Variants in LUM observed in about 807,000 individuals in gnomAD.
LUM encodes lumican.
LUM carries 13 observed loss-of-function variants against 20.5 expected under a neutral mutation model. The observed-to-expected ratio is 0.63, with a 90% CI of 0.41 to 1.01. LUM has a LOEUF of 1.01. Ranked by LOEUF, LUM falls within the 50% of genes least tolerant of loss-of-function variation. The pLI is 0.00. For synonymous variants in LUM, 173 were observed against 151.5 expected (o/e 1.14, Z -1.04); for missense variants, 321 against 391.1 (o/e 0.82, Z 1.51).
chr12:91,111,071 C>T (rs78887822), intron 1 of LUM, among the ~76,000 whole-genome samples: 1,675 of 152,210 alleles, frequency 0.011, 28 homozygotes, highest in African/African-American at 0.039. Flanking sequence ...GGGTCCAATA[C>T]TAACATATAT....
chr12:91,109,446 C>A (rs1865814314), intron 1 of LUM, among the ~76,000 whole-genome samples: 1 of 152,092 alleles, frequency 6.6e-6, no homozygotes, highest in Non-Finnish European at 1.5e-5. Context: ...TGAAGAAGAT[C>A]CTTACGGGAA....
chr12:91,108,665 G>C lies in LUM; in HGVS notation c.315C>G (p.Ser105=), dbSNP rs748928194. The part of the protein sequence containing the change: ...LILDHNLLEN[S]KIKGRVFSKL... ...TAGAGAAAACTCTCCCTTTTATCTT[G>C]GAGTTTTCTAGAAGGTTGTGATCTA... The change falls in exon 2 of 3, where the codon TCC becomes TCG. Residue 105 remains serine, a synonymous_variant. Coordinates refer to ENST00000266718, the MANE Select transcript of LUM (RefSeq NM_002345.4). This position sits in a 1 kb window ranked among gnomAD's most constrained non-coding sequence, Gnocchi z 4.2. 3 of 1,613,884 alleles carry C rather than the reference G, an allele frequency of 1.9e-6. No individual in the cohort carries two copies. The highest frequency in any genetic ancestry group is 2.5e-6 in the Non-Finnish European group (3 of 1,179,824).
rs1297639625 is a variant in LUM at position 91,104,025 on chromosome 12, T to TA, written c.*139dup. 1.2e-4 allele frequency: 84 copies of TA among 693,490 alleles called. No homozygotes were observed. In the East Asian group the frequency reaches 1.6e-3, roughly 13 times the overall value. 43.0% of individuals were successfully genotyped at this position (693,490 alleles called of 1,614,324 possible). A position where few individuals can be genotyped will look rare whatever the true frequency, so the allele number is the denominator to read the frequency against. On this transcript the variant is annotated 3_prime_UTR_variant, in exon 3 of 3. Coordinates refer to ENST00000266718, the MANE Select transcript of LUM (RefSeq NM_002345.4). Reference sequence around the variant, plus strand: ...ATAGGCCTGCCTTTCATCTTTTCTTTAAAAAAAATAAATGTTTACAAAACA... The same window carrying TA: ...ATAGGCCTGCCTTTCATCTTTTCTTTAAAAAAAAATAAATGTTTACAAAACA...
rs1879969814 is a variant in LUM at position 91,103,982 on chromosome 12, G to A, written c.*183C>T. The A allele has an allele frequency of 9.3e-6, 5 of 539,048 alleles. No individual in the cohort carries two copies. Among genetic ancestry groups the A allele is most frequent in the Non-Finnish European group, 1.6e-5 (5 of 306,774 alleles). 33.4% of individuals were successfully genotyped at this position (539,048 alleles called of 1,614,324 possible). On this transcript the variant is annotated 3_prime_UTR_variant, in exon 3 of 3. Transcript: ENST00000266718. The stretch of plus-strand genomic sequence containing the variant: ...GTTTGATGTCTATTCGTGTATATGT[G>A]TGTGTTCTTGTGATGAAATAGGCCT...
Position 91,104,007 on chromosome 12 carries a change from T to G in LUM, c.*158A>C, listed in dbSNP as rs114330989. 1.8e-3 allele frequency: 1,063 copies of G among 594,164 alleles called. 10 individuals are homozygous for G. Among genetic ancestry groups the G allele is most frequent in the African/African-American group, 0.018 (958 of 53,900 alleles). 36.8% of individuals were successfully genotyped at this position (594,164 alleles called of 1,614,324 possible). On this transcript the variant is annotated 3_prime_UTR_variant, in exon 3 of 3. Coordinates refer to ENST00000266718, the MANE Select transcript of LUM (RefSeq NM_002345.4). ...GTGTGTTCTTGTGATGAAATAGGCC[T>G]GCCTTTCATCTTTTCTTTAAAAAAA...
At chr12:91,104,435 C>G (rs551456124) in intron 2 of LUM, 116 bp from the exon 3 acceptor site, 1 of 697,022 alleles carries the variant, frequency 1.4e-6, no homozygotes, top group African/African-American at 1.8e-5. Flanking sequence ...TTAGAAAAGT[C>G]ATAATATAGT....
rs529776431 is a variant in LUM, at chr12:91,103,739, C to G, written c.*426G>C. The G allele has an allele frequency of 1.9e-5, 3 of 154,926 alleles. No individual in the cohort carries two copies. In the East Asian group the frequency reaches 5.7e-4, roughly 29 times the overall value. 9.6% of individuals were successfully genotyped at this position (154,926 alleles called of 1,614,324 possible). ...ATGTATTTTGCAATATTCTTGGCCT[C>G]AATATCTACCACCTATTTTTTAACC... On this transcript the variant is annotated 3_prime_UTR_variant, in exon 3 of 3. Coordinates refer to ENST00000266718, the MANE Select transcript of LUM (RefSeq NM_002345.4).
chr12:91,104,200 A>G lies in LUM; in HGVS notation c.982T>C (p.Cys328Arg). The part of the protein sequence containing the change: ...ETSLPPDMYE[C>R]LRVANEVTLN ...GTGACTTCGTTAGCAACACGTAGAC[A>G]TTCATACATATCCGGTGGAAGACTG... The change falls in exon 3 of 3, where the codon TGT (cysteine) becomes CGT (arginine). Residue 328 changes from cysteine (C) to arginine (R), a missense_variant. By Grantham distance (180) the Cys-to-Arg change is radical. Transcript: ENST00000266718. 2 of 1,612,904 alleles carry G rather than the reference A, an allele frequency of 1.2e-6. No individual in the cohort carries two copies. The highest frequency in any genetic ancestry group is 1.7e-6 in the Non-Finnish European group (2 of 1,179,088).
rs535810735 is a variant in LUM, at chr12:91,111,111, A to T, written c.-22+287T>A. Among the ~76,000 whole-genome samples, 141 of 152,294 alleles carry T rather than the reference A, an allele frequency of 9.3e-4. 1 individual carries two copies. Among genetic ancestry groups the T allele is most frequent in the African/African-American group, 3.4e-3 (140 of 41,570 alleles). ...AACTAGCATACATAACAAACATATTAATTTCTATATTTTTTCACTGTGTCT... is the reference window on the plus strand; with the variant it reads ...AACTAGCATACATAACAAACATATTTATTTCTATATTTTTTCACTGTGTCT... On this transcript the variant is annotated intron_variant, in intron 1 of 2. Transcript: ENST00000266718.
At chr12:91,107,454 A>G (rs1880107360) in intron 2 of LUM, among the ~76,000 whole-genome samples, 2 of 152,018 alleles carry the variant, frequency 1.3e-5, no homozygotes, top group Non-Finnish European at 2.9e-5. Context: ...TTTTGAACTC[A>G]TTTCTTCCTC....
At chr12:91,107,246 A>AG (rs1378222215) in intron 2 of LUM, among the ~76,000 whole-genome samples, 1,926 of 34,214 alleles carry the variant, frequency 0.056, 12 homozygotes, top group Middle Eastern at 0.087. Flanking sequence ...AAGGAAAGAA[A>AG]GAAAGAAAGA....
chr12:91,107,311 A>C (rs866920176), intron 2 of LUM, among the ~76,000 whole-genome samples: 1 of 138,890 alleles, frequency 7.2e-6, no homozygotes, highest in Non-Finnish European at 1.5e-5. Flanking sequence ...GAAAGAAAGA[A>C]AGAAAGAAAG....
chr12:91,107,249 A>G (rs1367629027), intron 2 of LUM, among the ~76,000 whole-genome samples: 2 of 22,342 alleles, frequency 9.0e-5, no homozygotes, highest in African/African-American at 2.1e-4. Context: ...GAAAGAAAGA[A>G]AGAAAGAAAG....
intron 2 of LUM, among the ~76,000 whole-genome samples, chr12:91,105,285 T>A (rs1450914057): frequency 6.6e-6 from 1 of 152,176 alleles, no homozygotes; most frequent in African/African-American, 2.4e-5. Flanking sequence ...ACTTATCTGA[T>A]CTTGTTAGAA....
intron 2 of LUM, among the ~76,000 whole-genome samples, chr12:91,107,015 C>T (rs11105990): frequency 0.031 from 4,692 of 150,938 alleles, 245 homozygotes; most frequent in East Asian, 0.26. Context: ...CTACTAAAAA[C>T]ATAAAAATTA....
rs770987670 is a variant in LUM, at chr12:91,108,354, G to A, written c.626C>T (p.Thr209Ile). The A allele has an allele frequency of 2.5e-6, 4 of 1,614,154 alleles. No homozygotes were observed. In the South Asian group the frequency reaches 3.3e-5, roughly 13 times the overall value. Residue 209 changes from threonine to isoleucine, a missense_variant, in exon 2 of 3, where the codon ACT becomes ATT. Coordinates refer to ENST00000266718, the MANE Select transcript of LUM (RefSeq NM_002345.4). This position sits in a 1 kb window ranked among gnomAD's most constrained non-coding sequence, Gnocchi z 4.2. ...GATCTTATTGTTGTCTAAGTAGAGA[G>A]TTAGAAGAGAGACAGGGAGACCAGA... ...LPSGLPVSLL[T>I]LYLDNNKISN...
At position 91,108,668 on chromosome 12, in the gene LUM, G is replaced by C; in HGVS notation, c.312C>G (p.Asn104Lys). Residue 104 changes from asparagine to lysine, a missense_variant, in exon 2 of 3, where the codon AAC (asparagine) becomes AAG (lysine). Transcript: ENST00000266718. This position sits in a 1 kb window ranked among gnomAD's most constrained non-coding sequence, Gnocchi z 4.2. ...WLILDHNLLE[N>K]SKIKGRVFSK... ...AGAAAACTCTCCCTTTTATCTTGGA[G>C]TTTTCTAGAAGGTTGTGATCTAGAA... is the stretch of plus-strand genomic sequence containing the variant. 6.2e-7 allele frequency: 1 copy of C among 1,613,930 alleles called. No individual in the cohort carries two copies. Among genetic ancestry groups the C allele is most frequent in the Non-Finnish European group, 8.5e-7 (1 of 1,179,868 alleles).
chr12:91,104,365 G>A lies in LUM; in HGVS notation c.863-46C>T, dbSNP rs752561714. ...AACATTAATCATTTTTCAGTACACT[G>A]GCTCAAAACAATACAAAAAATTTAT... On this transcript the variant is annotated intron_variant, in intron 2 of 2. Transcript: ENST00000266718. 3 of 1,350,798 alleles carry A rather than the reference G, an allele frequency of 2.2e-6. No individual in the cohort carries two copies. The African/African-American group carries it at 4.4e-5, about 20-fold the overall frequency. The allele number at this position is 1,350,798 out of a possible 1,614,324, so 83.7% of individuals were successfully genotyped here.
At position 91,108,133 on chromosome 12, in the gene LUM, C is replaced by A; in HGVS notation, c.847G>T (p.Val283Phe). ...NENLENYYLE[V>F]NQLEKFDIKS... ...TTTTACTTACTCTCAAGTTGATTGACCTCCAGGTAATAGTTTTCAAGGTTT... is the reference window on the plus strand; with the variant it reads ...TTTTACTTACTCTCAAGTTGATTGAACTCCAGGTAATAGTTTTCAAGGTTT... The change falls in exon 2 of 3, where the codon GTC (valine) becomes TTC (phenylalanine). Residue 283 changes from valine to phenylalanine, a missense_variant. Val to Phe is a conservative substitution (Grantham distance 50). Coordinates refer to ENST00000266718, the MANE Select transcript of LUM (RefSeq NM_002345.4). The surrounding 1 kb of genome is among the most constrained non-coding windows in gnomAD (Gnocchi z 4.2). 1 of 1,614,036 alleles carries A rather than the reference C, an allele frequency of 6.2e-7. No homozygotes were observed. The highest frequency in any genetic ancestry group is 8.5e-7 in the Non-Finnish European group (1 of 1,179,980).
Sources: allele counts gnomAD v4.1 joint callset (sites outside exome capture counted in the v4.1 genomes callset), GRCh38; gene constraint gnomAD v4.1.1; non-coding constraint Gnocchi (gnomAD v3.1); transcripts MANE v1.5; gene names NCBI Gene and HGNC (gene_info 2026-07-23, HGNC 2026-07-21).